Variants in ARHGEF26 observed in about 807,000 individuals in gnomAD.
ARHGEF26 encodes the protein Rho guanine nucleotide exchange factor (GEF) 26.
Under a neutral mutation model 89.4 loss-of-function variants are expected in ARHGEF26, and 59 were observed. The observed-to-expected ratio is 0.66, with a 90% CI of 0.54 to 0.82. The LOEUF (loss-of-function observed/expected upper bound fraction) is 0.82. Among genes scored for constraint, ARHGEF26 ranks in the 40% least tolerant of loss-of-function variants. ARHGEF26 has a pLI of 0.00. For synonymous variants in ARHGEF26, 500 were observed against 428.4 expected, an observed-to-expected ratio of 1.17 and a Z score of -2.06; for missense variants, 1,234 against 1,085.6, an observed-to-expected ratio of 1.14 and a Z score of -1.92.
chr3:154,255,210 T>C lies in ARHGEF26; in HGVS notation c.2474-121T>C, dbSNP rs975416655. The C allele has an allele frequency of 1.0e-5, 11 of 1,050,592 alleles. No individual in the cohort carries two copies. The African/African-American group carries it at 1.6e-4, about 15-fold the overall frequency. The allele number at this position is 1,050,592 out of a possible 1,614,324, so 65.1% of individuals were successfully genotyped here. A position where few individuals can be genotyped will look rare whatever the true frequency, so the allele number is the denominator to read the frequency against. On this transcript the variant is annotated intron_variant, in intron 14 of 14. Transcript: ENST00000465093. Reference sequence around the variant, plus strand: ...CTCGAAAGCTTTCCCTGTCCCACTTTCTCTTCTCACCGTAGCACTTAGCCT... The same window carrying C: ...CTCGAAAGCTTTCCCTGTCCCACTTCCTCTTCTCACCGTAGCACTTAGCCT...
intron 11 of ARHGEF26, among the ~76,000 whole-genome samples, chr3:154,228,365 G>A (rs907371858): frequency 6.6e-6 from 1 of 151,664 alleles, no homozygotes; most frequent in Non-Finnish European, 1.5e-5. Context: ...TAGAACTCCT[G>A]ACCTCAGGTG....
chr3:154,172,200 G>C (rs916773450), intron 6 of ARHGEF26, among the ~76,000 whole-genome samples: 2 of 152,182 alleles, frequency 1.3e-5, no homozygotes, highest in Non-Finnish European at 2.9e-5. Flanking sequence ...CATGGCCCCT[G>C]TGCCTTCCAG....
At chr3:154,254,681 C>G in intron 13 of ARHGEF26, 39 bp from the exon 14 acceptor site, 1 of 1,518,334 alleles carries the variant, frequency 6.6e-7, no homozygotes, top group Non-Finnish European at 9.1e-7. Context: ...TGTTTTTTCT[C>G]TGCTACTGGA....
At chr3:154,177,011 C>A (rs967320723) in intron 6 of ARHGEF26, among the ~76,000 whole-genome samples, 1 of 151,996 alleles carries the variant, frequency 6.6e-6, no homozygotes, top group Non-Finnish European at 1.5e-5. Flanking sequence ...ATAAAAAGCC[C>A]ATTGCAGAAG....
intron 11 of ARHGEF26, among the ~76,000 whole-genome samples, chr3:154,235,766 A>T (rs1048814196): frequency 1.2e-4 from 19 of 152,266 alleles, no homozygotes; most frequent in Non-Finnish European, 2.1e-4. Context: ...ACAAAAAAAA[A>T]TATATAAAAC....
Position 154,122,414 on chromosome 3 carries a change from C to CGCT in ARHGEF26, c.424_425insTGC (p.Pro141_Pro142insLeu). The CGCT allele has an allele frequency of 6.2e-7, 1 of 1,610,688 alleles. No homozygotes were observed. Among genetic ancestry groups the CGCT allele is most frequent in the Non-Finnish European group, 8.5e-7 (1 of 1,178,868 alleles). ...GTGACCTTGCCTGCGCCGCCGCCGC[C>CGCT]GCCGGTTCTGCGCCCCCCGCGGACT... On this transcript the variant is annotated inframe_insertion, in exon 2 of 15. Coordinates refer to ENST00000465093, the MANE Select transcript of ARHGEF26 (RefSeq NM_015595.4).
At chr3:154,182,469 C>G (rs547814024) in intron 6 of ARHGEF26, among the ~76,000 whole-genome samples, 2 of 152,240 alleles carry the variant, frequency 1.3e-5, no homozygotes, top group East Asian at 3.9e-4. Flanking sequence ...CTGTGATTTT[C>G]CTGATTATCT....
intron 4 of ARHGEF26, among the ~76,000 whole-genome samples, chr3:154,140,613 C>CTAA (rs1470632195): frequency 8.0e-6 from 1 of 124,384 alleles, no homozygotes; most frequent in Non-Finnish European, 1.6e-5. Flanking sequence ...TTGAGATAGT[C>CTAA]TAACTCTGTT....
chr3:154,133,468 G>A (rs1362467114), intron 4 of ARHGEF26, among the ~76,000 whole-genome samples: 1 of 151,460 alleles, frequency 6.6e-6, no homozygotes, highest in African/African-American at 2.4e-5. Context: ...AAATAAGGCT[G>A]CACACCTACA....
chr3:154,157,918 C>CA (rs1173975038), intron 6 of ARHGEF26, among the ~76,000 whole-genome samples: 1 of 152,116 alleles, frequency 6.6e-6, no homozygotes, highest in East Asian at 1.9e-4. Context: ...ATTTGAGTCA[C>CA]AGAGGTGGTT....
chr3:154,202,121 A>G (rs1236154168), intron 9 of ARHGEF26, among the ~76,000 whole-genome samples: 10 of 151,714 alleles, frequency 6.6e-5, no homozygotes, highest in East Asian at 3.9e-4. Flanking sequence ...TTTCTTCTAG[A>G]GTTTTTATGG....
At chr3:154,216,056 A>G (rs537269735) in intron 9 of ARHGEF26, among the ~76,000 whole-genome samples, 1 of 152,182 alleles carries the variant, frequency 6.6e-6, no homozygotes, top group African/African-American at 2.4e-5. Flanking sequence ...TCTGTTTCCA[A>G]CTACATCTGT....
chr3:154,247,878 A>T (rs1350530674), intron 12 of ARHGEF26, among the ~76,000 whole-genome samples: 12 of 152,216 alleles, frequency 7.9e-5, no homozygotes. Context: ...TGTGAAAAAT[A>T]CAGAAGTCTA....
Position 154,122,012 on chromosome 3 carries a change from T to G in ARHGEF26, c.20T>G (p.Val7Gly). MDGESEVDFSSNSITPL... is the reference protein window; with the variant it reads MDGESEGDFSSNSITPL... ...CCGGCTATGGACGGCGAGAGCGAGG[T>G]GGATTTTTCTAGCAACAGCATAACC... The change falls in exon 2 of 15, where the codon GTG becomes GGG. Residue 7 changes from valine to glycine, a missense_variant. Coordinates refer to ENST00000465093, the MANE Select transcript of ARHGEF26 (RefSeq NM_015595.4). The G allele has an allele frequency of 6.3e-7, 1 of 1,592,270 alleles. No individual in the cohort carries two copies. The highest frequency in any genetic ancestry group is 8.6e-7 in the Non-Finnish European group (1 of 1,163,064).
At position 154,145,903 on chromosome 3, in the gene ARHGEF26, A is replaced by G. The variant is rs375058065; in HGVS notation, c.1270-3486A>G. ...GTCAAAGACCAAGAAATATTACACA[A>G]AGTTTATAGTTCTTTTACACAGTTC... On this transcript the variant is annotated intron_variant, in intron 4 of 14. Transcript: ENST00000465093. Among the ~76,000 whole-genome samples the G allele has an allele frequency of 6.6e-5, 10 of 152,244 alleles. No homozygotes were observed. In the East Asian group the frequency reaches 1.4e-3, roughly 21 times the overall value.
At chr3:154,250,417 C>T (rs558870675) in intron 12 of ARHGEF26, among the ~76,000 whole-genome samples, 1 of 152,142 alleles carries the variant, frequency 6.6e-6, no homozygotes, top group African/African-American at 2.4e-5. Flanking sequence ...TTGAAAGTCT[C>T]AAAAAGCTGC....
At chr3:154,213,002 A>G (rs1715473550) in intron 9 of ARHGEF26, among the ~76,000 whole-genome samples, 1 of 152,188 alleles carries the variant, frequency 6.6e-6, no homozygotes, top group Non-Finnish European at 1.5e-5. Flanking sequence ...CATGGGAAGA[A>G]AAACACAAGA....
intron 6 of ARHGEF26, 84 bp downstream of exon 6, chr3:154,153,016 C>A: frequency 8.2e-7 from 1 of 1,225,452 alleles, no homozygotes; most frequent in Non-Finnish European, 1.1e-6. Flanking sequence ...GAAGGCATTT[C>A]TGGTTATCAA....
intron 6 of ARHGEF26, among the ~76,000 whole-genome samples, chr3:154,169,112 G>A (rs1317397812): frequency 6.6e-6 from 1 of 152,094 alleles, no homozygotes; most frequent in Non-Finnish European, 1.5e-5. Flanking sequence ...GGCTCAGATG[G>A]AGGTAAAGTA....
Sources: allele counts gnomAD v4.1 joint callset (sites outside exome capture counted in the v4.1 genomes callset), GRCh38; gene constraint gnomAD v4.1.1; transcripts MANE v1.5; gene names NCBI Gene and HGNC (gene_info 2026-07-23, HGNC 2026-07-21).